The following SORCS1 variants were observed in gnomAD, a reference collection of about 807,000 sequenced individuals.
SORCS1 encodes the protein sortilin related VPS10 domain containing receptor 1, also known as VPS10 domain-containing receptor SorCS1.
A neutral mutation model predicts 146.1 loss-of-function variants in SORCS1; 60 were observed. The ratio of observed to expected loss-of-function variants is 0.41; its 90% CI spans 0.33 to 0.51. The LOEUF (loss-of-function observed/expected upper bound fraction) is 0.51. Ranked by LOEUF, SORCS1 falls within the 20% of genes least tolerant of loss-of-function variation. The probability of loss-of-function intolerance (pLI) is 0.21; values close to 1 mark genes in which losing one functional copy is unlikely to be tolerated. For missense variants in SORCS1, 1,352 were observed against 1,487.6 expected (o/e 0.91, Z 1.50); for synonymous variants, 637 against 584.0 (o/e 1.09, Z -1.31).
intron 1 of SORCS1, among the ~76,000 whole-genome samples, chr10:107,127,439 T>C (rs903716405): frequency 6.6e-6 from 1 of 152,204 alleles, no homozygotes; most frequent in Non-Finnish European, 1.5e-5. Flanking sequence ...TTCTATGTCA[T>C]TGGCATGTCT....
chr10:106,655,356 T>G (rs944770767), intron 17 of SORCS1, among the ~76,000 whole-genome samples: 17 of 152,134 alleles, frequency 1.1e-4, no homozygotes, highest in African/African-American at 3.9e-4. Context: ...CTCAGTGAGT[T>G]TCACCATGCA....
At chr10:107,014,270 A>G (rs1957804051) in intron 1 of SORCS1, among the ~76,000 whole-genome samples, 1 of 129,934 alleles carries the variant, frequency 7.7e-6, no homozygotes, top group Non-Finnish European at 1.6e-5. Flanking sequence ...AAAAAAAAAA[A>G]AAGAAAAGAA....
intron 1 of SORCS1, among the ~76,000 whole-genome samples, chr10:106,983,108 T>G (rs1306429177): frequency 6.8e-6 from 1 of 147,318 alleles, no homozygotes; most frequent in African/African-American, 2.5e-5. Flanking sequence ...TCAGAGGAGG[T>G]TATATATATA....
intron 3 of SORCS1, among the ~76,000 whole-genome samples, chr10:106,786,180 T>C (rs1946046574): frequency 6.6e-6 from 1 of 152,238 alleles, no homozygotes; most frequent in South Asian, 2.1e-4. Context: ...ATGTATTGTA[T>C]AACAATCTAT....
chr10:106,896,502 A>G (rs1589655716), intron 2 of SORCS1, among the ~76,000 whole-genome samples: 1 of 151,962 alleles, frequency 6.6e-6, no homozygotes, highest in African/African-American at 2.4e-5. Context: ...GAGAAAAGAC[A>G]GTTACTTAAT....
intron 1 of SORCS1, among the ~76,000 whole-genome samples, chr10:106,990,336 C>T (rs956985382): frequency 6.6e-6 from 1 of 152,160 alleles, no homozygotes; most frequent in South Asian, 2.1e-4. Context: ...GTGACGTGAT[C>T]TTGGCTCACT....
intron 1 of SORCS1, among the ~76,000 whole-genome samples, chr10:107,138,662 A>C (rs2134696427): frequency 6.6e-6 from 1 of 152,346 alleles, no homozygotes; most frequent in South Asian, 2.1e-4. Flanking sequence ...TTAAGAGTAA[A>C]GATTTTCAAG....
At chr10:106,998,001 G>A (rs1218222867) in intron 1 of SORCS1, among the ~76,000 whole-genome samples, 1 of 152,212 alleles carries the variant, frequency 6.6e-6, no homozygotes, top group African/African-American at 2.4e-5. Context: ...TTCACTGTCT[G>A]CTTCTAATTA....
intron 1 of SORCS1, among the ~76,000 whole-genome samples, chr10:106,962,849 G>A (rs548563542): frequency 2.0e-5 from 3 of 152,244 alleles, no homozygotes; most frequent in East Asian, 3.9e-4. Context: ...CATGTTGGGC[G>A]GTGCTGATGC....
At chr10:107,056,249 A>G (rs966621568) in intron 1 of SORCS1, among the ~76,000 whole-genome samples, 17 of 152,342 alleles carry the variant, frequency 1.1e-4, no homozygotes, top group African/African-American at 4.1e-4. Flanking sequence ...AAGCTGAGCA[A>G]TAGGGCAGGA....
intron 1 of SORCS1, among the ~76,000 whole-genome samples, chr10:106,989,961 C>G (rs575538557): frequency 9.2e-5 from 14 of 152,224 alleles, no homozygotes; most frequent in Admixed American, 8.5e-4. Context: ...ACTGGAATTA[C>G]AGGCATGAGC....
intron 17 of SORCS1, among the ~76,000 whole-genome samples, chr10:106,662,347 C>A (rs778068152): frequency 3.3e-5 from 5 of 151,932 alleles, no homozygotes; most frequent in Non-Finnish European, 7.4e-5. Flanking sequence ...GGAATGATTT[C>A]CTGCATGCTT....
At chr10:106,861,767 T>C (rs1347914934) in intron 2 of SORCS1, among the ~76,000 whole-genome samples, 2 of 152,042 alleles carry the variant, frequency 1.3e-5, no homozygotes, top group African/African-American at 2.4e-5. Context: ...CATGCACCTG[T>C]AGTCCCAGCT....
At chr10:106,975,124 C>T (rs1347814143) in intron 1 of SORCS1, among the ~76,000 whole-genome samples, 1 of 152,124 alleles carries the variant, frequency 6.6e-6, no homozygotes, top group Non-Finnish European at 1.5e-5. Flanking sequence ...GGGAGTTTCT[C>T]AATTATCTAA....
intron 2 of SORCS1, among the ~76,000 whole-genome samples, chr10:106,843,481 G>C (rs1490541833): frequency 6.8e-6 from 1 of 146,558 alleles, no homozygotes; most frequent in African/African-American, 2.5e-5. Flanking sequence ...TCAGGCTGGA[G>C]AGTGCAGTGG....
chr10:106,739,357 T>C (rs1290727736), intron 5 of SORCS1, among the ~76,000 whole-genome samples: 1 of 151,884 alleles, frequency 6.6e-6, no homozygotes, highest in Non-Finnish European at 1.5e-5. Flanking sequence ...TGGTGGCACA[T>C]ACCTGCAATC....
intron 2 of SORCS1, among the ~76,000 whole-genome samples, chr10:106,932,469 C>A (rs925244020): frequency 6.6e-6 from 1 of 152,104 alleles, no homozygotes. Context: ...AAAAGGTATA[C>A]CTTGCTGCCT....
chr10:106,982,616 C>A (rs180847887), intron 1 of SORCS1, among the ~76,000 whole-genome samples: 3 of 152,106 alleles, frequency 2.0e-5, no homozygotes, highest in Non-Finnish European at 2.9e-5. Context: ...GGCATTCAAC[C>A]GTTAAGACAA....
intron 2 of SORCS1, among the ~76,000 whole-genome samples, chr10:106,864,335 AGT>A (rs1194561391): frequency 9.2e-5 from 14 of 152,242 alleles, no homozygotes; most frequent in Non-Finnish European, 2.1e-4. Flanking sequence ...GCAGCGGGTG[AGT>A]GTGTGACTCT....
Sources: allele counts gnomAD v4.1 joint callset (sites outside exome capture counted in the v4.1 genomes callset), GRCh38; gene constraint gnomAD v4.1.1; transcripts MANE v1.5; gene names NCBI Gene and HGNC (gene_info 2026-07-23, HGNC 2026-07-21).